The following WDR41 variants were observed in gnomAD, a reference collection of about 807,000 sequenced individuals.
WDR41 encodes WD repeat-containing protein 41.
A neutral mutation model predicts 69.3 loss-of-function variants in WDR41; 63 were observed. The ratio of observed to expected loss-of-function variants is 0.91; its 90% CI spans 0.74 to 1.12. WDR41 has a LOEUF of 1.12. Ranked by LOEUF, WDR41 falls within the 50% of genes most tolerant of loss-of-function variation. The probability of loss-of-function intolerance (pLI) is 0.00; values close to 1 mark genes in which losing one functional copy is unlikely to be tolerated. For synonymous variants in WDR41, 185 were observed against 192.1 expected (o/e 0.96, Z 0.31); for missense variants, 543 against 534.5 (o/e 1.02, Z -0.16).
intron 1 of WDR41, among the ~76,000 whole-genome samples, chr5:77,563,117 A>C (rs570723828): frequency 5.5e-4 from 83 of 152,268 alleles, no homozygotes; most frequent in African/African-American, 1.9e-3. Flanking sequence ...ATGAATGATA[A>C]ATGCATATCT....
At chr5:77,585,388 G>A (rs1744020362) in intron 1 of WDR41, among the ~76,000 whole-genome samples, 1 of 152,208 alleles carries the variant, frequency 6.6e-6, no homozygotes, top group South Asian at 2.1e-4. Flanking sequence ...ATGTAAACTA[G>A]TACAGCTGCT....
rs1229969804 is a variant in WDR41, at chr5:77,554,550, T to C, written c.43-64978A>G. 1.6e-4 allele frequency among the ~76,000 whole-genome samples: 25 copies of C among 151,966 alleles called. 1 individual carries two copies. The highest frequency in any genetic ancestry group is 1.6e-3 in the Admixed American group (25 of 15,248). ...TCCAGAAACTGAATCTGCTGATGTATTGATCTCGGACTTCCCAGCCTCCAG... is the reference window on the plus strand; with the variant it reads ...TCCAGAAACTGAATCTGCTGATGTACTGATCTCGGACTTCCCAGCCTCCAG... On this transcript the variant is annotated intron_variant, in intron 1 of 5. Coordinates refer to the WDR41 transcript ENST00000509971.
At chr5:77,459,362 A>C (rs1799951188) in intron 4 of WDR41, among the ~76,000 whole-genome samples, 1 of 152,152 alleles carries the variant, frequency 6.6e-6, no homozygotes, top group Non-Finnish European at 1.5e-5. Context: ...ATTATTTGAA[A>C]ATGCCAACAT....
intron 1 of WDR41, among the ~76,000 whole-genome samples, chr5:77,609,871 G>T (rs184341510): frequency 0.012 from 1,811 of 152,242 alleles, 32 homozygotes; most frequent in African/African-American, 0.042. Flanking sequence ...GCTACAGGAG[G>T]AAATTCAAAC....
At chr5:77,505,271 T>A (rs1802087875) in intron 1 of WDR41, among the ~76,000 whole-genome samples, 1 of 152,114 alleles carries the variant, frequency 6.6e-6, no homozygotes, top group Non-Finnish European at 1.5e-5. Flanking sequence ...TGAACGCCCA[T>A]TTACAATTGC....
At chr5:77,438,411 T>C (rs1799032100) in intron 9 of WDR41, 50 bp from the exon 10 acceptor site, 1 of 1,603,670 alleles carries the variant, frequency 6.2e-7, no homozygotes. Context: ...TCACCCTTCC[T>C]AGTGTAATGG....
At chr5:77,487,304 T>C (rs1801566865) in intron 2 of WDR41, among the ~76,000 whole-genome samples, 5 of 152,178 alleles carry the variant, frequency 3.3e-5, no homozygotes. Flanking sequence ...TAGGGTAAAA[T>C]ATAGCGCAAG....
chr5:77,579,523 T>C (rs1743898504), intron 1 of WDR41, among the ~76,000 whole-genome samples: 1 of 151,574 alleles, frequency 6.6e-6, no homozygotes, highest in Non-Finnish European at 1.5e-5. Flanking sequence ...GAACAACATG[T>C]TCAAAGTGCT....
Position 77,563,168 on chromosome 5 carries a change from T to G in WDR41, c.42+57311A>C, listed in dbSNP as rs867820131. On this transcript the variant is annotated intron_variant, in intron 1 of 5. Coordinates refer to the WDR41 transcript ENST00000509971. The stretch of plus-strand genomic sequence containing the variant: ...TCTCCAGGTTGATGAAATTTTAAAG[T>G]TATGAGTATTTGTGGTGATATTATC... Among the ~76,000 whole-genome samples, 9 of 152,292 alleles carry G rather than the reference T, an allele frequency of 5.9e-5. No individual in the cohort carries two copies. In the Middle Eastern group the frequency reaches 0.017, roughly 288 times the overall value.
At chr5:77,619,512 C>T (rs1423891467) in intron 1 of WDR41, among the ~76,000 whole-genome samples, 1 of 152,080 alleles carries the variant, frequency 6.6e-6, no homozygotes, top group Non-Finnish European at 1.5e-5. Flanking sequence ...CTGAAAGGTG[C>T]TTGAGCAACG....
intron 1 of WDR41, among the ~76,000 whole-genome samples, chr5:77,556,094 ACT>A (rs1491565253): frequency 4.9e-5 from 5 of 101,992 alleles, no homozygotes; most frequent in Admixed American, 1.0e-4. Context: ...GAAAAGATGG[ACT>A]TTTTTTTTTT....
intron 7 of WDR41, among the ~76,000 whole-genome samples, chr5:77,450,286 T>C (rs1227600275): frequency 6.6e-6 from 1 of 152,222 alleles, no homozygotes; most frequent in Non-Finnish European, 1.5e-5. Flanking sequence ...AAGCTGCAAA[T>C]CCAAGTTTAA....
At chr5:77,539,847 C>CT (rs1328030025) in intron 1 of WDR41, among the ~76,000 whole-genome samples, 1 of 152,080 alleles carries the variant, frequency 6.6e-6, no homozygotes, top group African/African-American at 2.4e-5. Flanking sequence ...GGATTATATC[C>CT]AATGAATATT....
upstream of WDR41, among the ~76,000 whole-genome samples, chr5:77,493,515 C>T (rs1801888363): frequency 6.6e-6 from 1 of 152,202 alleles, no homozygotes; most frequent in African/African-American, 2.4e-5. Context: ...GCTACACAAA[C>T]TTACAGTCCC....
chr5:77,565,264 G>A (rs1743601052), intron 1 of WDR41, among the ~76,000 whole-genome samples: 1 of 152,112 alleles, frequency 6.6e-6, no homozygotes, highest in Admixed American at 6.6e-5. Context: ...AACACATACA[G>A]TGCATTTAAA....
chr5:77,577,825 T>C (rs1321361425), intron 1 of WDR41, among the ~76,000 whole-genome samples: 1 of 152,176 alleles, frequency 6.6e-6, no homozygotes, highest in African/African-American at 2.4e-5. Flanking sequence ...CCATTGTAAG[T>C]TGAAACTATC....
intron 4 of WDR41, among the ~76,000 whole-genome samples, chr5:77,460,023 C>T (rs1581718563): frequency 6.6e-6 from 1 of 152,130 alleles, no homozygotes; most frequent in Non-Finnish European, 1.5e-5. Flanking sequence ...AAAAAAAAGT[C>T]ATCTGGCAAC....
At chr5:77,435,812 T>C (rs1435397830) in intron 12 of WDR41, among the ~76,000 whole-genome samples, 1 of 152,152 alleles carries the variant, frequency 6.6e-6, no homozygotes, top group African/African-American at 2.4e-5. Context: ...AAGGCATAGG[T>C]TTCATTAAAG....
chr5:77,560,560 A>G (rs1241744959), intron 1 of WDR41, among the ~76,000 whole-genome samples: 1 of 152,192 alleles, frequency 6.6e-6, no homozygotes, highest in Non-Finnish European at 1.5e-5. Context: ...GTTTTTAAAT[A>G]GAACAGACTC....
Sources: allele counts gnomAD v4.1 joint callset (sites outside exome capture counted in the v4.1 genomes callset), GRCh38; gene constraint gnomAD v4.1.1; transcripts MANE v1.5; gene names NCBI Gene and HGNC (gene_info 2026-07-23, HGNC 2026-07-21).